TAS2R1: variants seen among roughly 807,000 people sequenced by gnomAD.
TAS2R1 encodes the protein taste 2 receptor member 1.
For synonymous variants in TAS2R1, 141 were observed against 134.2 expected, an observed-to-expected ratio of 1.05 and a Z score of -0.35; for missense variants, 370 against 353.4, an observed-to-expected ratio of 1.05 and a Z score of -0.38.
the TAS2R1 span, among the ~76,000 whole-genome samples, chr5:9,893,116 C>T: frequency 6.6e-6 from 1 of 152,148 alleles, no homozygotes; most frequent in Non-Finnish European, 1.5e-5. Flanking sequence ...TTCTTACATG[C>T]AACCAGAGAG....
At chr5:9,719,277 G>C in the TAS2R1 span, among the ~76,000 whole-genome samples, 1 of 152,202 alleles carries the variant, frequency 6.6e-6, no homozygotes, top group Admixed American at 6.5e-5. Context: ...GAGAGAGATT[G>C]AGAGAACATA....
upstream of TAS2R1, among the ~76,000 whole-genome samples, chr5:9,633,294 T>TATTATATA (rs1476544403): frequency 4.7e-4 from 32 of 67,820 alleles, no homozygotes; most frequent in African/African-American, 2.0e-3. Flanking sequence ...TGTGTGTATA[T>TATTATATA]TATATATATA....
chr5:9,817,278 G>T, the TAS2R1 span, among the ~76,000 whole-genome samples: 1 of 152,282 alleles, frequency 6.6e-6, no homozygotes, highest in East Asian at 1.9e-4. Context: ...ATGGGAATGA[G>T]ATTAGATTTT....
At chr5:9,640,497 T>TAAAAAAAAAAAAA (rs56140715) in intron 2 of TAS2R1, among the ~76,000 whole-genome samples, 3 of 59,030 alleles carry the variant, frequency 5.1e-5, no homozygotes, top group African/African-American at 8.3e-5. Flanking sequence ...TTCAATTCCT[T>TAAAAAAAAAAAAA]AAAAAAAAAA....
At chr5:9,750,871 C>A in the TAS2R1 span, among the ~76,000 whole-genome samples, 1 of 151,964 alleles carries the variant, frequency 6.6e-6, no homozygotes, top group Admixed American at 6.6e-5. Flanking sequence ...TTGGATGTAT[C>A]CTCACATACA....
the TAS2R1 span, among the ~76,000 whole-genome samples, chr5:9,772,538 T>C: frequency 6.6e-6 from 1 of 152,092 alleles, no homozygotes; most frequent in African/African-American, 2.4e-5. Flanking sequence ...ATAGTGTAGA[T>C]TAAGTCCAAT....
At chr5:9,824,428 C>T in the TAS2R1 span, among the ~76,000 whole-genome samples, 7 of 152,218 alleles carry the variant, frequency 4.6e-5, no homozygotes, top group Admixed American at 4.6e-4. Flanking sequence ...CAACTGCTTC[C>T]TCATGGTGCC....
the TAS2R1 span, among the ~76,000 whole-genome samples, chr5:9,899,702 A>ACTAGACT: frequency 8.5e-5 from 13 of 152,158 alleles, no homozygotes; most frequent in African/African-American, 3.1e-4. Flanking sequence ...GAAGACAAAA[A>ACTAGACT]CTAGACTCTA....
the TAS2R1 span, among the ~76,000 whole-genome samples, chr5:9,732,249 A>C: frequency 6.6e-6 from 1 of 152,198 alleles, no homozygotes; most frequent in Non-Finnish European, 1.5e-5. Context: ...GCCTTTAGTA[A>C]TGTGTCCAGA....
At chr5:9,812,161 A>G in the TAS2R1 span, among the ~76,000 whole-genome samples, 1 of 152,018 alleles carries the variant, frequency 6.6e-6, no homozygotes, top group Admixed American at 6.6e-5. Flanking sequence ...GCCCCACCCA[A>G]TAACCCATGA....
chr5:9,824,485 G>A, the TAS2R1 span, among the ~76,000 whole-genome samples: 2 of 152,168 alleles, frequency 1.3e-5, no homozygotes, highest in African/African-American at 4.8e-5. Flanking sequence ...AACTGGAAAT[G>A]AGGCCTAATG....
At chr5:9,806,731 C>G in the TAS2R1 span, among the ~76,000 whole-genome samples, 1 of 152,228 alleles carries the variant, frequency 6.6e-6, no homozygotes, top group East Asian at 1.9e-4. Context: ...CATTTCTCAT[C>G]TTATACAAAA....
intron 1 of TAS2R1, among the ~76,000 whole-genome samples, chr5:9,675,377 C>T (rs981606222): frequency 1.3e-5 from 2 of 150,916 alleles, no homozygotes; most frequent in African/African-American, 4.9e-5. Context: ...TTTATTAGTA[C>T]CCTGCAACTT....
intron 1 of TAS2R1, among the ~76,000 whole-genome samples, chr5:9,700,052 T>C (rs1561382800): frequency 6.6e-6 from 1 of 152,032 alleles, no homozygotes; most frequent in African/African-American, 2.4e-5. Context: ...AAAAATCTGG[T>C]GTTTAACCTT....
the TAS2R1 span, among the ~76,000 whole-genome samples, chr5:9,779,907 G>A: frequency 1.3e-5 from 2 of 152,168 alleles, no homozygotes; most frequent in Non-Finnish European, 2.9e-5. Context: ...AATAAAATGA[G>A]ATATGCCTGT....
the TAS2R1 span, among the ~76,000 whole-genome samples, chr5:9,782,807 G>C: frequency 6.6e-6 from 1 of 152,114 alleles, no homozygotes; most frequent in African/African-American, 2.4e-5. Context: ...CTTATAAAAA[G>C]CATTCTTTGG....
intron 1 of TAS2R1, among the ~76,000 whole-genome samples, chr5:9,664,272 GA>G (rs1740589909): frequency 6.6e-6 from 1 of 152,176 alleles, no homozygotes; most frequent in African/African-American, 2.4e-5. Context: ...GAGTTCTGCA[GA>G]AAAGCAGAGG....
intron 2 of TAS2R1, among the ~76,000 whole-genome samples, chr5:9,657,391 GT>G (rs1740435846): frequency 6.6e-6 from 1 of 152,134 alleles, no homozygotes; most frequent in East Asian, 1.9e-4. Context: ...TCCCTTAAGC[GT>G]TTCATTTGCT....
the TAS2R1 span, among the ~76,000 whole-genome samples, chr5:9,725,877 T>C: frequency 6.9e-6 from 1 of 144,474 alleles, no homozygotes; most frequent in Non-Finnish European, 1.5e-5. Context: ...TAGCTCAGGG[T>C]TTGTGAATGC....
Sources: gnomAD v4.1 joint callset for allele counts (sites outside exome capture counted in the v4.1 genomes callset) on GRCh38, gnomAD v4.1.1 for gene constraint, MANE v1.5 for transcripts, NCBI Gene and HGNC (gene_info 2026-07-23, HGNC 2026-07-21) for gene names.